WWC2: variants seen among roughly 807,000 people sequenced by gnomAD.
WWC2 encodes the protein WW and C2 domain containing 2, also known as protein WWC2.
WWC2 carries 101 observed loss-of-function variants against 138.5 expected under a neutral mutation model. That is an observed-to-expected ratio of 0.73 (90% confidence interval 0.62 to 0.86). WWC2 has a LOEUF of 0.86. Ranked by LOEUF, WWC2 falls within the 40% of genes least tolerant of loss-of-function variation. WWC2 has a pLI of 0.00. For missense variants in WWC2, 1,420 were observed against 1,419.4 expected (o/e 1.00, Z -0.01); for synonymous variants, 558 against 538.4 (o/e 1.04, Z -0.50).
intron 4 of WWC2, among the ~76,000 whole-genome samples, chr4:183,217,921 A>G (rs1735802367): frequency 6.6e-6 from 1 of 151,902 alleles, no homozygotes; most frequent in South Asian, 2.1e-4. Flanking sequence ...CCAAGGCAGA[A>G]TGAAAAAAAA....
At position 183,316,203 on chromosome 4, in the gene WWC2, G is replaced by A. The variant is rs1324387628; in HGVS notation, c.*474G>A. 1.3e-5 allele frequency: 2 copies of A among 157,832 alleles called. No homozygotes were observed. Among genetic ancestry groups the A allele is most frequent in the Admixed American group, 6.1e-5 (1 of 16,508 alleles). The allele number at this position is 157,832 out of a possible 1,614,324, so 9.8% of individuals were successfully genotyped here. On this transcript the variant is annotated 3_prime_UTR_variant, in exon 23 of 23. Transcript: ENST00000403733. ...CGCTTTCCATTTGGAGGCAGTGTGA[G>A]CACACGCTGGAGTGCAGCGTTCCAA...
At chr4:183,288,901 A>G (rs796331810) in intron 20 of WWC2, among the ~76,000 whole-genome samples, 48 of 152,348 alleles carry the variant, frequency 3.2e-4, no homozygotes, top group African/African-American at 1.0e-3. Context: ...GTGTCCTGAA[A>G]TGGAGGAAAC....
At chr4:183,165,353 A>G (rs112813783) in intron 1 of WWC2, among the ~76,000 whole-genome samples, 1 of 152,138 alleles carries the variant, frequency 6.6e-6, no homozygotes, top group Admixed American at 6.5e-5. Context: ...AACAACAGAA[A>G]AGCATCTTTG....
intron 11 of WWC2, among the ~76,000 whole-genome samples, chr4:183,264,022 G>C (rs1318772989): frequency 6.6e-6 from 1 of 152,154 alleles, no homozygotes; most frequent in African/African-American, 2.4e-5. Flanking sequence ...GTCAATTTCA[G>C]GCTGCTGTGG....
At chr4:183,300,015 A>G (rs536426203) in intron 21 of WWC2, among the ~76,000 whole-genome samples, 3 of 152,310 alleles carry the variant, frequency 2.0e-5, no homozygotes, top group African/African-American at 7.2e-5. Flanking sequence ...AGAGAATCTT[A>G]TTTGGTGTCC....
chr4:183,250,143 C>G (rs1255473580), intron 8 of WWC2, 150 bp downstream of exon 8: 4 of 653,438 alleles, frequency 6.1e-6, no homozygotes, highest in Non-Finnish European at 1.0e-5. Flanking sequence ...TGCTTCCTCT[C>G]TGGTCTACCT....
intron 4 of WWC2, among the ~76,000 whole-genome samples, chr4:183,239,518 A>G (rs938347216): frequency 6.6e-6 from 1 of 152,198 alleles, no homozygotes; most frequent in South Asian, 2.1e-4. Context: ...CAGTTTGACA[A>G]CAAATATTTA....
chr4:183,311,602 CGGAGTCTCACTCT>C (rs766048844), intron 21 of WWC2, among the ~76,000 whole-genome samples: 12,562 of 131,006 alleles, frequency 0.096, 685 homozygotes, highest in Middle Eastern at 0.2. Context: ...TTTTTTGAGA[CGGAGTCTCACTCT>C]GTCGCCCAGG....
chr4:183,244,580 T>TAG lies in WWC2; in HGVS notation c.603-835_603-834insGA, dbSNP rs1465331865. Among the ~76,000 whole-genome samples, 636 of 150,586 alleles carry TAG rather than the reference T, an allele frequency of 4.2e-3. 4 individuals carry two copies. The highest frequency in any genetic ancestry group is 0.015 in the African/African-American group (596 of 40,426). On this transcript the variant is annotated intron_variant, in intron 5 of 22. Transcript: ENST00000403733. Reference sequence around the variant, plus strand: ...AAGCAGAATAAATATTATATATATATATATAGAGAGAGAGAGAGAAATAAA... The same window carrying TAG: ...AAGCAGAATAAATATTATATATATATAGATATAGAGAGAGAGAGAGAAATAAA...
chr4:183,099,718 C>G lies in WWC2; in HGVS notation c.131+96C>G, dbSNP rs1176380041. The G allele has an allele frequency of 4.4e-6, 5 of 1,125,592 alleles. No homozygotes were observed. The East Asian group carries it at 2.3e-4, about 53-fold the overall frequency. 69.7% of individuals were successfully genotyped at this position (1,125,592 alleles called of 1,614,324 possible). ...GGGGGGCTGGGGCGGCGCCGGCCCG[C>G]GGTGCCCCGAGGGGTCCCGGGAGGG... On this transcript the variant is annotated intron_variant, in intron 1 of 22. Coordinates refer to ENST00000403733, the MANE Select transcript of WWC2 (RefSeq NM_024949.6).
chr4:183,112,872 C>T (rs35351178), intron 1 of WWC2, among the ~76,000 whole-genome samples: 2,566 of 151,958 alleles, frequency 0.017, 77 homozygotes, highest in African/African-American at 0.059. Flanking sequence ...GAAGAGTGGT[C>T]TAGGCAGAAG....
chr4:183,307,660 T>C (rs929074599), intron 21 of WWC2, among the ~76,000 whole-genome samples: 1 of 152,192 alleles, frequency 6.6e-6, no homozygotes, highest in Non-Finnish European at 1.5e-5. Flanking sequence ...TTGTAGTGAA[T>C]CACATCAACA....
At chr4:183,293,792 C>T (rs1393890594) in intron 21 of WWC2, among the ~76,000 whole-genome samples, 1 of 152,086 alleles carries the variant, frequency 6.6e-6, no homozygotes, top group Non-Finnish European at 1.5e-5. Context: ...CAACCAGAAA[C>T]ACCTAGACGT....
chr4:183,208,765 A>G (rs1480842474), intron 3 of WWC2, among the ~76,000 whole-genome samples, 184 bp from the exon 4 acceptor site: 1 of 152,216 alleles, frequency 6.6e-6, no homozygotes, highest in Non-Finnish European at 1.5e-5. Flanking sequence ...ACAGAGTTAA[A>G]AAAAATGGTA....
chr4:183,188,047 A>G (rs1389880656), intron 1 of WWC2, among the ~76,000 whole-genome samples: 3 of 152,224 alleles, frequency 2.0e-5, no homozygotes, highest in Non-Finnish European at 4.4e-5. Context: ...GTATGTCACA[A>G]AATGATTTTC....
Position 183,099,555 on chromosome 4 carries a change from T to A in WWC2, c.64T>A (p.Tyr22Asn). 1.4e-6 allele frequency: 2 copies of A among 1,422,048 alleles called. No homozygotes were observed. The highest frequency in any genetic ancestry group is 1.5e-5 in the African/African-American group (1 of 67,182). 88.1% of individuals were successfully genotyped at this position (1,422,048 alleles called of 1,614,324 possible). ...LPRGWEEARDYDGKVFYIDHN... is the reference protein window; with the variant it reads ...LPRGWEEARDNDGKVFYIDHN... ...CCGGGGCTGGGAGGAGGCCAGGGAC[T>A]ACGACGGCAAGGTCTTCTACATTGA... The change falls in exon 1 of 23, where the codon TAC becomes AAC. Residue 22 changes from tyrosine (Y) to asparagine (N), a missense_variant. Transcript: ENST00000403733.
Position 183,167,163 on chromosome 4 carries a change from T to G in WWC2, c.132-26436T>G, listed in dbSNP as rs79592200. 1.1e-3 allele frequency among the ~76,000 whole-genome samples: 172 copies of G among 152,284 alleles called. 1 individual carries two copies. The East Asian group carries it at 0.022, about 20-fold the overall frequency. On this transcript the variant is annotated intron_variant, in intron 1 of 22. Coordinates refer to ENST00000403733, the MANE Select transcript of WWC2 (RefSeq NM_024949.6). ...GAGTGTGGTTCTTCTCTGTGTGAAC[T>G]CTGGTGTTGATTTTTAAAAGGCATG... is the stretch of plus-strand genomic sequence containing the variant.
chr4:183,202,630 A>G (rs1580053208), intron 2 of WWC2, among the ~76,000 whole-genome samples: 1 of 152,200 alleles, frequency 6.6e-6, no homozygotes, highest in Non-Finnish European at 1.5e-5. Flanking sequence ...TTATTAAGTT[A>G]CAAGTCTCTT....
At chr4:183,309,474 A>G (rs754399311) in intron 21 of WWC2, among the ~76,000 whole-genome samples, 21 of 152,230 alleles carry the variant, frequency 1.4e-4, no homozygotes, top group Non-Finnish European at 2.8e-4. Flanking sequence ...ACATGAAAAG[A>G]TATTTAACAT....
Sources: gnomAD v4.1 joint callset for allele counts (sites outside exome capture counted in the v4.1 genomes callset) on GRCh38, gnomAD v4.1.1 for gene constraint, MANE v1.5 for transcripts, NCBI Gene and HGNC (gene_info 2026-07-23, HGNC 2026-07-21) for gene names.